FNIP2: variants seen among roughly 807,000 people sequenced by gnomAD.
FNIP2 encodes folliculin-interacting protein 2.
Under a neutral mutation model 108.7 loss-of-function variants are expected in FNIP2, and 32 were observed. That is an observed-to-expected ratio of 0.29 (90% confidence interval 0.22 to 0.40). The LOEUF is 0.40. FNIP2 is among the 10% of genes least tolerant of loss of function. The pLI is 1.00. For synonymous variants in FNIP2, 480 were observed against 496.7 expected (o/e 0.97, Z 0.45); for missense variants, 1,202 against 1,381.6 (o/e 0.87, Z 2.06).
At chr4:158,862,905 A>C (rs1406750467) in intron 12 of FNIP2, among the ~76,000 whole-genome samples, 1 of 152,262 alleles carries the variant, frequency 6.6e-6, no homozygotes, top group Non-Finnish European at 1.5e-5. Flanking sequence ...TTTTAAAACA[A>C]TGCTAATTAA....
intron 1 of FNIP2, among the ~76,000 whole-genome samples, chr4:158,787,688 C>T (rs1776267073): frequency 6.6e-6 from 1 of 152,186 alleles, no homozygotes; most frequent in South Asian, 2.1e-4. Flanking sequence ...AATTATCTCA[C>T]AACTATATTC....
At chr4:158,842,569 T>C (rs1436311197) in intron 7 of FNIP2, among the ~76,000 whole-genome samples, 1 of 152,202 alleles carries the variant, frequency 6.6e-6, no homozygotes, top group African/African-American at 2.4e-5. Context: ...GACATATAAA[T>C]GCGCAGAGTG....
Position 158,829,114 on chromosome 4 carries a change from G to T in FNIP2, c.270G>T (p.Lys90Asn), listed in dbSNP as rs574882616. The change falls in exon 3 of 17, where the codon AAG becomes AAT. Residue 90 changes from lysine to asparagine, a missense_variant. Coordinates refer to ENST00000264433, the MANE Select transcript of FNIP2 (RefSeq NM_020840.3). ...TEDVPIKISA[K>N]CCQGSSSVSS... ...ATGTTCCTATTAAAATATCAGCCAA[G>T]TGCTGCCAGGGAAGCAGCAGTGTCA... The T allele has an allele frequency of 6.2e-7, 1 of 1,612,022 alleles. No individual in the cohort carries two copies. Among genetic ancestry groups the T allele is most frequent in the Non-Finnish European group, 8.5e-7 (1 of 1,179,022 alleles).
chr4:158,890,050 A>G, intron 14 of FNIP2: 2 of 985,424 alleles, frequency 2.0e-6, no homozygotes, highest in Non-Finnish European at 2.4e-6. Context: ...GTGTAAGAAA[A>G]TCTTTGTACT....
chr4:158,896,810 A>T (rs1399013234), intron 16 of FNIP2, among the ~76,000 whole-genome samples: 2 of 141,630 alleles, frequency 1.4e-5, no homozygotes, highest in African/African-American at 2.6e-5. Flanking sequence ...ATATCTCTCT[A>T]CCAGCCTCAT....
chr4:158,846,925 C>T (rs953870326), intron 7 of FNIP2, among the ~76,000 whole-genome samples: 1 of 152,190 alleles, frequency 6.6e-6, no homozygotes, highest in African/African-American at 2.4e-5. Flanking sequence ...GCCAGCGCCA[C>T]CCCTCCCCAA....
At chr4:158,796,895 T>C (rs1360577162) in intron 1 of FNIP2, among the ~76,000 whole-genome samples, 1 of 152,136 alleles carries the variant, frequency 6.6e-6, no homozygotes, top group Non-Finnish European at 1.5e-5. Flanking sequence ...TATGACACCC[T>C]CTCTCAGCAG....
Position 158,904,794 on chromosome 4 carries a change from C to T in FNIP2, c.*250C>T. ...TGTTACCCATGAATCAACAAAGAAA[C>T]TGACCTTTTTGGTAGGAGGAAACAT... On this transcript the variant is annotated 3_prime_UTR_variant, in exon 17 of 17. Transcript: ENST00000264433. The T allele has an allele frequency of 2.2e-6, 1 of 458,188 alleles. No homozygotes were observed. Among genetic ancestry groups the T allele is most frequent in the South Asian group, 2.7e-5 (1 of 37,280 alleles). 28.4% of individuals were successfully genotyped at this position (458,188 alleles called of 1,614,324 possible).
chr4:158,841,185 G>A (rs1439588572), intron 7 of FNIP2, among the ~76,000 whole-genome samples: 1 of 152,154 alleles, frequency 6.6e-6, no homozygotes, highest in African/African-American at 2.4e-5. Context: ...TTCTCAAGCT[G>A]GTTGGAGAAT....
intron 16 of FNIP2, among the ~76,000 whole-genome samples, chr4:158,898,967 T>C (rs963018931): frequency 6.6e-6 from 1 of 152,212 alleles, no homozygotes; most frequent in Non-Finnish European, 1.5e-5. Context: ...CAGTATGATA[T>C]TGGCTGTGGG....
chr4:158,847,099 G>A (rs533324804), intron 7 of FNIP2, among the ~76,000 whole-genome samples: 1 of 152,332 alleles, frequency 6.6e-6, no homozygotes, highest in South Asian at 2.1e-4. Context: ...TGGAACTTGA[G>A]TTACAGAAAG....
At chr4:158,769,441 AC>A (rs1432590695) in intron 1 of FNIP2, 122 bp downstream of exon 1, 1 of 538,590 alleles carries the variant, frequency 1.9e-6, no homozygotes, top group African/African-American at 2.1e-5. Context: ...TATCGCCGGC[AC>A]CTGGTCCCGG....
chr4:158,800,524 T>TCC (rs1307576232), intron 1 of FNIP2, among the ~76,000 whole-genome samples: 14 of 152,342 alleles, frequency 9.2e-5, no homozygotes, highest in Non-Finnish European at 1.9e-4. Flanking sequence ...GCAGAATTAT[T>TCC]ACAGATTAAG....
At chr4:158,829,760 T>C (rs535887404) in intron 3 of FNIP2, among the ~76,000 whole-genome samples, 9 of 152,012 alleles carry the variant, frequency 5.9e-5, no homozygotes, top group Non-Finnish European at 1.2e-4. Context: ...GTTAAGGTTA[T>C]TGAGAAATAT....
At chr4:158,851,182 G>C (rs1235978925) in intron 7 of FNIP2, 139 bp from the exon 8 acceptor site, 4 of 923,188 alleles carry the variant, frequency 4.3e-6, no homozygotes, top group Non-Finnish European at 6.2e-6. Flanking sequence ...TTTTAGTGGC[G>C]AAGTGTACAG....
chr4:158,789,476 G>T (rs1037994861), intron 1 of FNIP2, among the ~76,000 whole-genome samples: 1 of 152,176 alleles, frequency 6.6e-6, no homozygotes, highest in Admixed American at 6.5e-5. Context: ...TACTCTGACT[G>T]CCCTTTATAA....
chr4:158,886,344 G>C (rs1782023021), intron 14 of FNIP2, among the ~76,000 whole-genome samples: 1 of 152,166 alleles, frequency 6.6e-6, no homozygotes, highest in Admixed American at 6.5e-5. Flanking sequence ...CTTAACAATT[G>C]TCTGCAGCTC....
At chr4:158,829,307 C>T (rs989736895) in intron 3 of FNIP2, 82 bp downstream of exon 3, 10 of 1,241,092 alleles carry the variant, frequency 8.1e-6, no homozygotes, top group Middle Eastern at 2.2e-4. Context: ...AATGCCTGCT[C>T]GAGGGCTCTA....
At chr4:158,883,898 C>T (rs1250420364) in intron 14 of FNIP2, among the ~76,000 whole-genome samples, 3 of 150,338 alleles carry the variant, frequency 2.0e-5, no homozygotes, top group Non-Finnish European at 4.4e-5. Flanking sequence ...GTCGGAAACA[C>T]TTGTGAGTTC....
Sources: gnomAD v4.1 joint callset for allele counts (sites outside exome capture counted in the v4.1 genomes callset) on GRCh38, gnomAD v4.1.1 for gene constraint, MANE v1.5 for transcripts, NCBI Gene and HGNC (gene_info 2026-07-23, HGNC 2026-07-21) for gene names.